The following REEP3 variants were observed in gnomAD, a reference collection of about 807,000 sequenced individuals.
The protein encoded by REEP3 is receptor expression-enhancing protein 3.
In REEP3, 20 loss-of-function variants were observed where a neutral mutation model predicts 41.3. The observed-to-expected ratio is 0.48, with a 90% CI of 0.34 to 0.70. The LOEUF is 0.70. Ranked by LOEUF, REEP3 falls within the 30% of genes least tolerant of loss-of-function variation. The pLI, the probability that REEP3 is intolerant of heterozygous loss-of-function variation, is 0.01. For missense variants in REEP3, 271 were observed against 308.8 expected (o/e 0.88, Z 0.92); for synonymous variants, 104 against 101.8 (o/e 1.02, Z -0.13).
intron 1 of REEP3, among the ~76,000 whole-genome samples, chr10:63,541,565 A>G (rs16918575): frequency 0.13 from 20,259 of 152,246 alleles, 1,999 homozygotes; most frequent in East Asian, 0.29. Flanking sequence ...AAGTATAACC[A>G]TCTACCAGTA....
At chr10:63,602,059 T>C (rs2133416531) in intron 5 of REEP3, among the ~76,000 whole-genome samples, 1 of 149,344 alleles carries the variant, frequency 6.7e-6, no homozygotes, top group African/African-American at 2.5e-5. Context: ...CTGAGCACCA[T>C]GAAAAAATAC....
intron 2 of REEP3, among the ~76,000 whole-genome samples, chr10:63,585,904 G>A (rs1956002150): frequency 6.6e-6 from 1 of 152,056 alleles, no homozygotes; most frequent in Non-Finnish European, 1.5e-5. Flanking sequence ...TGGAAATCCT[G>A]AGGATCATTT....
At chr10:63,613,227 G>A (rs183394130) in intron 6 of REEP3, among the ~76,000 whole-genome samples, 1 of 152,098 alleles carries the variant, frequency 6.6e-6, no homozygotes, top group South Asian at 2.1e-4. Flanking sequence ...GGTCAGGCTG[G>A]TCTCGACCTC....
chr10:63,589,550 G>T (rs1178427267), intron 2 of REEP3, among the ~76,000 whole-genome samples: 2 of 152,094 alleles, frequency 1.3e-5, no homozygotes, highest in African/African-American at 4.8e-5. Context: ...GCTCTCACCT[G>T]CTTACCATCT....
intron 2 of REEP3, among the ~76,000 whole-genome samples, chr10:63,576,032 C>T (rs1160064689): frequency 6.6e-6 from 1 of 152,226 alleles, no homozygotes; most frequent in Non-Finnish European, 1.5e-5. Flanking sequence ...TGTGCCTGGC[C>T]GGACATTTTC....
intron 5 of REEP3, among the ~76,000 whole-genome samples, chr10:63,603,120 T>C (rs996566994): frequency 6.6e-6 from 1 of 151,838 alleles, no homozygotes; most frequent in Non-Finnish European, 1.5e-5. Flanking sequence ...GAGACCATCC[T>C]GGCTAACACA....
chr10:63,569,137 G>T (rs913923480), intron 2 of REEP3, among the ~76,000 whole-genome samples: 8 of 152,058 alleles, frequency 5.3e-5, no homozygotes, highest in Non-Finnish European at 2.9e-5. Context: ...ATTTTAATTG[G>T]AATTCTCTTT....
intron 2 of REEP3, among the ~76,000 whole-genome samples, chr10:63,577,439 T>G (rs539361176): frequency 6.6e-5 from 10 of 152,236 alleles, no homozygotes; most frequent in South Asian, 2.1e-4. Context: ...CTTTTTGTTT[T>G]GTTAGACAGG....
chr10:63,592,407 G>C lies in REEP3; in HGVS notation c.106-2371G>C, dbSNP rs1193608019. 2.0e-5 allele frequency among the ~76,000 whole-genome samples: 3 copies of C among 152,182 alleles called. No individual in the cohort carries two copies. In the East Asian group the frequency reaches 5.8e-4, roughly 29 times the overall value. ...ATAAATGAGAGACTCAGCCAGAACA[G>C]TTTCTCTTGTAATGTATTTACAGGG... On this transcript the variant is annotated intron_variant, in intron 2 of 7. Coordinates refer to ENST00000373758, the MANE Select transcript of REEP3 (RefSeq NM_001001330.3).
intron 5 of REEP3, among the ~76,000 whole-genome samples, chr10:63,609,885 GAGGGTA>G (rs1956264426): frequency 6.6e-6 from 1 of 152,206 alleles, no homozygotes; most frequent in Admixed American, 6.5e-5. Context: ...TGTTTACTCT[GAGGGTA>G]AGCCCATCAT....
chr10:63,528,080 C>A (rs2133337345), intron 1 of REEP3, among the ~76,000 whole-genome samples: 2 of 152,112 alleles, frequency 1.3e-5, no homozygotes, highest in East Asian at 3.9e-4. Context: ...AGTCCTTAGA[C>A]CATTTTCTCT....
At chr10:63,584,194 A>G (rs1408027943) in intron 2 of REEP3, among the ~76,000 whole-genome samples, 2 of 152,168 alleles carry the variant, frequency 1.3e-5, no homozygotes, top group African/African-American at 2.4e-5. Flanking sequence ...TTTCTCCTTC[A>G]GAGCAACAGG....
chr10:63,530,761 C>G (rs1955413516), intron 1 of REEP3, among the ~76,000 whole-genome samples: 1 of 152,076 alleles, frequency 6.6e-6, no homozygotes, highest in African/African-American at 2.4e-5. Flanking sequence ...TGAAACTGTT[C>G]AAATAAATGG....
Position 63,624,483 on chromosome 10 carries a change from G to T in REEP3, c.*3614G>T, listed in dbSNP as rs901223270. On this transcript the variant is annotated 3_prime_UTR_variant, in exon 8 of 8. Transcript: ENST00000373758. ...TTTGCAGATTTTTAATAATCTGTTTGTAAAAGGCTATCTCTAAGCCTAGTA... is the reference window on the plus strand; with the variant it reads ...TTTGCAGATTTTTAATAATCTGTTTTTAAAAGGCTATCTCTAAGCCTAGTA... 1 of 152,082 alleles carries T rather than the reference G, an allele frequency of 6.6e-6. No individual in the cohort carries two copies. The highest frequency in any genetic ancestry group is 6.5e-5 in the Admixed American group (1 of 15,270). The allele number at this position is 152,082 out of a possible 1,614,324, so 9.4% of individuals were successfully genotyped here.
intron 2 of REEP3, among the ~76,000 whole-genome samples, chr10:63,587,506 C>T (rs918171806): frequency 1.3e-5 from 2 of 152,110 alleles, no homozygotes; most frequent in African/African-American, 4.8e-5. Context: ...TAGGCTAAGC[C>T]GCTATGATCA....
chr10:63,611,510 C>T (rs1956277070), intron 6 of REEP3, among the ~76,000 whole-genome samples: 1 of 152,018 alleles, frequency 6.6e-6, no homozygotes, highest in Non-Finnish European at 1.5e-5. Context: ...ATCTTAGAAA[C>T]ATACATATAA....
chr10:63,607,820 T>C (rs137944480), intron 5 of REEP3, among the ~76,000 whole-genome samples: 36 of 152,294 alleles, frequency 2.4e-4, no homozygotes, highest in African/African-American at 8.4e-4. Flanking sequence ...GTGAGGTATA[T>C]CCCAAGAGAT....
At chr10:63,611,542 A>G (rs1217622485) in intron 6 of REEP3, among the ~76,000 whole-genome samples, 1 of 152,188 alleles carries the variant, frequency 6.6e-6, no homozygotes, top group Non-Finnish European at 1.5e-5. Flanking sequence ...TTCCTTAGTC[A>G]TTTTATCACA....
chr10:63,556,365 G>A (rs577498881), intron 1 of REEP3, among the ~76,000 whole-genome samples: 4 of 151,338 alleles, frequency 2.6e-5, no homozygotes, highest in Middle Eastern at 3.4e-3. Flanking sequence ...CAAATGATCC[G>A]CCCACCTTGG....
Sources: gnomAD v4.1 joint callset for allele counts (sites outside exome capture counted in the v4.1 genomes callset) on GRCh38, gnomAD v4.1.1 for gene constraint, MANE v1.5 for transcripts, NCBI Gene and HGNC (gene_info 2026-07-23, HGNC 2026-07-21) for gene names.